Variants in ITIH2 observed in about 807,000 individuals in gnomAD.
ITIH2 encodes the protein inter-alpha-trypsin inhibitor heavy chain H2.
In ITIH2, 103 loss-of-function variants were observed where a neutral mutation model predicts 104.4. That is an observed-to-expected ratio of 0.99 (90% CI 0.84 to 1.16). The LOEUF (loss-of-function observed/expected upper bound fraction) is 1.16, where lower values mean the gene tolerates loss of function less well. Among genes scored for constraint, ITIH2 ranks in the 50% most tolerant of loss-of-function variants. The pLI is 0.00. For synonymous variants in ITIH2, 436 were observed against 435.4 expected, an observed-to-expected ratio of 1.00 and a Z score of -0.02; for missense variants, 1,108 against 1,162.4, an observed-to-expected ratio of 0.95 and a Z score of 0.68.
intron 6 of ITIH2, among the ~76,000 whole-genome samples, chr10:7,719,586 A>C (rs1197098300): frequency 6.6e-6 from 1 of 151,716 alleles, no homozygotes; most frequent in Non-Finnish European, 1.5e-5. Flanking sequence ...GCGATACCTC[A>C]CCTCTACTGA....
chr10:7,714,165 ATTTT>A (rs996413668), intron 5 of ITIH2, among the ~76,000 whole-genome samples: 1,272 of 83,984 alleles, frequency 0.015, 13 homozygotes, highest in African/African-American at 0.054. Context: ...CACACTCACT[ATTTT>A]TTTTTTTTTT....
At chr10:7,728,622 C>A (rs573847404) in intron 11 of ITIH2, among the ~76,000 whole-genome samples, 1 of 152,052 alleles carries the variant, frequency 6.6e-6, no homozygotes, top group Admixed American at 6.5e-5. Context: ...TCTCAAAATC[C>A]TGGGCTCAAG....
intron 16 of ITIH2, among the ~76,000 whole-genome samples, chr10:7,739,102 C>T (rs1440702627): frequency 1.3e-5 from 2 of 152,120 alleles, no homozygotes; most frequent in Admixed American, 1.3e-4. Context: ...GACTTCTTTG[C>T]CCTCCGTTGT....
chr10:7,735,973 A>AT (rs891208079), intron 15 of ITIH2, among the ~76,000 whole-genome samples: 1 of 152,098 alleles, frequency 6.6e-6, no homozygotes, highest in African/African-American at 2.4e-5. Flanking sequence ...GTGCCTGACC[A>AT]TATCACTGTT....
intron 5 of ITIH2, among the ~76,000 whole-genome samples, chr10:7,717,367 G>A (rs1834860029): frequency 6.6e-6 from 1 of 152,196 alleles, no homozygotes; most frequent in Admixed American, 6.5e-5. Context: ...GCCAATCCCT[G>A]GTAGTTTTTT....
At chr10:7,740,526 G>C (rs1835114445) in intron 16 of ITIH2, among the ~76,000 whole-genome samples, 1 of 152,216 alleles carries the variant, frequency 6.6e-6, no homozygotes, top group South Asian at 2.1e-4. Context: ...CCCAGGGAGT[G>C]AGCTGCTTAA....
At chr10:7,745,432 C>A (rs533851719) in intron 19 of ITIH2, among the ~76,000 whole-genome samples, 89 of 152,190 alleles carry the variant, frequency 5.8e-4, no homozygotes, top group Non-Finnish European at 1.0e-3. Context: ...GATTTACTTA[C>A]AATCCACTAG....
At chr10:7,708,137 G>A (rs999173286) in intron 3 of ITIH2, among the ~76,000 whole-genome samples, 4 of 152,226 alleles carry the variant, frequency 2.6e-5, no homozygotes, top group African/African-American at 9.6e-5. Context: ...TGGTTAATTA[G>A]TCGAAAGGTT....
chr10:7,716,468 G>T (rs997734507), intron 5 of ITIH2, among the ~76,000 whole-genome samples: 2 of 152,054 alleles, frequency 1.3e-5, no homozygotes, highest in African/African-American at 2.4e-5. Flanking sequence ...CAGGTGCAGT[G>T]GCTCAGACTA....
At position 7,703,489 on chromosome 10, in the gene ITIH2, T is replaced by C. The variant is rs143303387; in HGVS notation, c.55T>C (p.Phe19Leu). The C allele has an allele frequency of 5.0e-6, 8 of 1,613,380 alleles. No individual in the cohort carries two copies. The highest frequency in any genetic ancestry group is 6.8e-6 in the Non-Finnish European group (8 of 1,179,442). ...CTTCTTTCTTTCTGAAGTATCAGGCTTCGAAATCCCCATAAATGGACTTTC... is the reference window on the plus strand; with the variant it reads ...CTTCTTTCTTTCTGAAGTATCAGGCCTCGAAATCCCCATAAATGGACTTTC... ...ICFFLSEVSG[F>L]EIPINGLSEF... Residue 19 changes from phenylalanine (F) to leucine (L), a missense_variant, in exon 1 of 21, where the codon TTC (phenylalanine) becomes CTC (leucine). Transcript: ENST00000358415.
chr10:7,722,550 C>A (rs962057731), intron 8 of ITIH2, among the ~76,000 whole-genome samples: 1 of 152,184 alleles, frequency 6.6e-6, no homozygotes, highest in Non-Finnish European at 1.5e-5. Flanking sequence ...TCCCTGAATT[C>A]TTGGATTCTA....
At chr10:7,722,093 A>C (rs1834909501) in intron 8 of ITIH2, among the ~76,000 whole-genome samples, 1 of 152,190 alleles carries the variant, frequency 6.6e-6, no homozygotes, top group Non-Finnish European at 1.5e-5. Context: ...ACAATCAAAG[A>C]AAGCACAGAG....
Position 7,749,325 on chromosome 10 carries a change from A to G in ITIH2, c.2832A>G (p.Lys944=), listed in dbSNP as rs1325523449. 6.2e-7 allele frequency: 1 copy of G among 1,613,890 alleles called. No homozygotes were observed. The highest frequency in any genetic ancestry group is 1.1e-5 in the South Asian group (1 of 91,070). Reference sequence around the variant, plus strand: ...TGCCTCAGCTCTACAGCTTTCTCAAACGGCCTTAAAGGTTTATAGTTTGGG... The same window carrying G: ...TGCCTCAGCTCTACAGCTTTCTCAAGCGGCCTTAAAGGTTTATAGTTTGGG... The part of the protein sequence containing the change: ...YFVPQLYSFL[K]RP Residue 944 remains lysine, a synonymous_variant, in exon 21 of 21, where the codon AAA becomes AAG. Transcript: ENST00000358415.
chr10:7,714,654 G>A (rs138993533), intron 5 of ITIH2, among the ~76,000 whole-genome samples: 3 of 152,156 alleles, frequency 2.0e-5, no homozygotes, highest in Admixed American at 1.3e-4. Flanking sequence ...ACACAAAAGC[G>A]GACACCGTCA....
At chr10:7,732,566 G>A in intron 14 of ITIH2, 89 bp downstream of exon 14, 1 of 1,436,970 alleles carries the variant, frequency 7.0e-7, no homozygotes, top group South Asian at 1.2e-5. Flanking sequence ...AAAGAGTTTG[G>A]AAGCAAGAAA....
In ITIH2 at chr10:7,746,676, G is replaced by A; in HGVS notation, c.2665G>A (p.Val889Met). The A allele has an allele frequency of 6.2e-7, 1 of 1,613,366 alleles. No homozygotes were observed. The highest frequency in any genetic ancestry group is 1.1e-5 in the South Asian group (1 of 91,044). Residue 889 changes from valine to methionine, a missense_variant, in exon 20 of 21, where the codon GTG becomes ATG. Transcript: ENST00000358415. ...DPEKPEASME[V>M]KGQKLIITRG... ...TGAGAAGCCAGAGGCCAGCATGGAA[G>A]TGAAGGGGCAGAAGCTGATCATCAC...
chr10:7,736,133 G>C (rs1835053454), intron 15 of ITIH2, among the ~76,000 whole-genome samples: 1 of 151,992 alleles, frequency 6.6e-6, no homozygotes, highest in Non-Finnish European at 1.5e-5. Flanking sequence ...TGGGAGGCTG[G>C]AGTGGGTTAA....
In ITIH2 at chr10:7,735,344, A is replaced by G. The variant is rs1356474880; in HGVS notation, c.1957+253A>G. ...TACCCCTTCCAACATTTTTGACATC[A>G]ATATTTGAAATTTTTTATCTTAGCC... On this transcript the variant is annotated intron_variant, in intron 15 of 20. Coordinates refer to ENST00000358415, the MANE Select transcript of ITIH2 (RefSeq NM_002216.3). Among the ~76,000 whole-genome samples, 3 of 152,246 alleles carry G rather than the reference A, an allele frequency of 2.0e-5. No individual in the cohort carries two copies. In the East Asian group the frequency reaches 5.8e-4, roughly 29 times the overall value.
chr10:7,732,248 C>T, intron 13 of ITIH2, 90 bp from the exon 14 acceptor site: 3 of 1,384,866 alleles, frequency 2.2e-6, no homozygotes, highest in Middle Eastern at 3.9e-4. Context: ...TTTTTTATTC[C>T]CATTCATTCG....
Sources: gnomAD v4.1 joint callset for allele counts (sites outside exome capture counted in the v4.1 genomes callset) on GRCh38, gnomAD v4.1.1 for gene constraint, MANE v1.5 for transcripts, NCBI Gene and HGNC (gene_info 2026-07-23, HGNC 2026-07-21) for gene names.